Variants in NPAS3 observed in about 807,000 individuals in gnomAD.
The protein encoded by NPAS3 is neuronal PAS domain-containing protein 3.
Under a neutral mutation model 73.1 loss-of-function variants are expected in NPAS3, and 14 were observed. That is an observed-to-expected ratio of 0.19 (90% CI 0.13 to 0.30). The LOEUF is 0.30. Among genes scored for constraint, NPAS3 ranks in the 10% least tolerant of loss-of-function variants. The pLI is 1.00. For missense variants in NPAS3, 1,096 were observed against 1,250.0 expected (o/e 0.88, Z 1.86); for synonymous variants, 620 against 541.5 (o/e 1.14, Z -2.01).
At chr14:33,177,507 A>T (rs2045637267) in intron 2 of NPAS3, among the ~76,000 whole-genome samples, 1 of 152,192 alleles carries the variant, frequency 6.6e-6, no homozygotes, top group South Asian at 2.1e-4. Context: ...GTAAAAAAAA[A>T]GATTTACATA....
chr14:33,380,570 C>T (rs187575381), intron 4 of NPAS3, among the ~76,000 whole-genome samples: 28 of 152,160 alleles, frequency 1.8e-4, no homozygotes, highest in Non-Finnish European at 3.4e-4. Flanking sequence ...AAGTAATCCA[C>T]GGGACAGTGT....
chr14:32,968,574 A>G (rs2037283927), intron 1 of NPAS3, among the ~76,000 whole-genome samples: 1 of 152,176 alleles, frequency 6.6e-6, no homozygotes. Flanking sequence ...ATCCAGTAAT[A>G]AAGTTTAATA....
Position 33,791,614 on chromosome 14 carries a change from T to C in NPAS3, c.1154-2283T>C, listed in dbSNP as rs28528191. Among the ~76,000 whole-genome samples, 578 of 152,290 alleles carry C rather than the reference T, an allele frequency of 3.8e-3. 5 individuals are homozygous for C. The highest frequency in any genetic ancestry group is 0.013 in the African/African-American group (544 of 41,556). ...GTTTGGCTGGATGTCTATTTCCAAATTGGGATTTTATTAAGAGAAAGTATT... is the reference window on the plus strand; with the variant it reads ...GTTTGGCTGGATGTCTATTTCCAAACTGGGATTTTATTAAGAGAAAGTATT... On this transcript the variant is annotated intron_variant, in intron 9 of 11. Transcript: ENST00000356141.
intron 2 of NPAS3, among the ~76,000 whole-genome samples, chr14:33,177,825 A>G (rs2139420481): frequency 6.6e-6 from 1 of 152,264 alleles, no homozygotes; most frequent in South Asian, 2.1e-4. Context: ...GTATGGGTTT[A>G]TTTCTGAACT....
chr14:33,668,940 A>G (rs1297562691), intron 5 of NPAS3, among the ~76,000 whole-genome samples: 2 of 152,224 alleles, frequency 1.3e-5, no homozygotes, highest in Admixed American at 1.3e-4. Context: ...TATGAAAACA[A>G]TAACAAAAAT....
intron 5 of NPAS3, among the ~76,000 whole-genome samples, chr14:33,655,271 C>G (rs1418025358): frequency 6.6e-6 from 1 of 150,758 alleles, no homozygotes; most frequent in Non-Finnish European, 1.5e-5. Flanking sequence ...GTGACCAGCT[C>G]AAGCTGACAA....
At chr14:33,220,752 A>T (rs1035381671) in intron 3 of NPAS3, among the ~76,000 whole-genome samples, 1 of 152,208 alleles carries the variant, frequency 6.6e-6, no homozygotes, top group African/African-American at 2.4e-5. Context: ...CTAACTCAGC[A>T]TGAAAAATAT....
At position 32,980,352 on chromosome 14, in the gene NPAS3, C is replaced by CGT. The variant is rs1315307772; in HGVS notation, c.50+40986_50+40987insGT. On this transcript the variant is annotated intron_variant, in intron 1 of 11. Coordinates refer to ENST00000356141, the Ensembl canonical transcript of NPAS3. ...GGTTTGACTTAGAAACCATGAGGTA[C>CGT]TAACGCACTACATTTTTGAATTACT... is the stretch of plus-strand genomic sequence containing the variant. 2.4e-4 allele frequency among the ~76,000 whole-genome samples: 36 copies of CGT among 152,234 alleles called. 1 individual carries two copies. The South Asian group carries it at 2.7e-3, about 11-fold the overall frequency.
chr14:33,242,021 T>C (rs1688927674), intron 3 of NPAS3, among the ~76,000 whole-genome samples: 1 of 152,016 alleles, frequency 6.6e-6, no homozygotes, highest in African/African-American at 2.4e-5. Context: ...GTAGCAATTC[T>C]GATAACAGGC....
intron 5 of NPAS3, among the ~76,000 whole-genome samples, chr14:33,609,493 G>C (rs1399499068): frequency 1.3e-5 from 2 of 151,150 alleles, no homozygotes; most frequent in Non-Finnish European, 2.9e-5. Context: ...ATTATCATAG[G>C]TTCCTGTCTT....
At chr14:33,473,113 G>A (rs1243304757) in intron 4 of NPAS3, among the ~76,000 whole-genome samples, 1 of 152,162 alleles carries the variant, frequency 6.6e-6, no homozygotes, top group Non-Finnish European at 1.5e-5. Context: ...TGCAGAGTAG[G>A]CCTGGCCTGA....
intron 5 of NPAS3, among the ~76,000 whole-genome samples, chr14:33,577,919 C>CA (rs1458035756): frequency 6.6e-6 from 1 of 152,160 alleles, no homozygotes; most frequent in Non-Finnish European, 1.5e-5. Flanking sequence ...CGAATCCTCC[C>CA]CCCAATTCCA....
chr14:33,797,320 G>A, intron 10 of NPAS3, 137 bp from the exon 11 acceptor site: 1 of 940,266 alleles, frequency 1.1e-6, no homozygotes, highest in Non-Finnish European at 1.6e-6. Flanking sequence ...ATGAAGAGCT[G>A]AGAAATGATT....
intron 4 of NPAS3, among the ~76,000 whole-genome samples, chr14:33,466,429 T>A (rs2050528555): frequency 6.6e-6 from 1 of 152,220 alleles, no homozygotes; most frequent in Non-Finnish European, 1.5e-5. Flanking sequence ...AGTTTGGTTA[T>A]CAAGTAAATA....
intron 2 of NPAS3, among the ~76,000 whole-genome samples, chr14:33,149,008 G>A (rs74839527): frequency 0.013 from 2,000 of 152,166 alleles, 52 homozygotes; most frequent in African/African-American, 0.043. Flanking sequence ...GCCTTGCATC[G>A]TATTTCTACT....
At chr14:33,237,950 A>T (rs1303601084) in intron 3 of NPAS3, among the ~76,000 whole-genome samples, 1 of 151,908 alleles carries the variant, frequency 6.6e-6, no homozygotes, top group Non-Finnish European at 1.5e-5. Context: ...TTCACAAGCA[A>T]AATGTATACA....
chr14:33,722,021 T>A (rs1212225515), intron 6 of NPAS3, among the ~76,000 whole-genome samples: 2 of 152,106 alleles, frequency 1.3e-5, no homozygotes, highest in African/African-American at 4.8e-5. Flanking sequence ...GTTGAGAGGA[T>A]TAACCACAAA....
At position 33,043,820 on chromosome 14, in the gene NPAS3, T is replaced by TA. The variant is rs76401360; in HGVS notation, c.51-12073dup. ...TAGTCCACAATAGACTGATGGAAGT[T>TA]AAAAAAAAAAAACAACTTCCCAAAT... On this transcript the variant is annotated intron_variant, in intron 1 of 11. Transcript: ENST00000356141. Among the ~76,000 whole-genome samples, 780 of 142,458 alleles carry TA rather than the reference T, an allele frequency of 5.5e-3. 6 individuals are homozygous for TA. The highest frequency in any genetic ancestry group is 5.0e-3 in the Non-Finnish European group (321 of 64,650). 93.5% of individuals were successfully genotyped at this position (142,458 alleles called of 152,430 possible). A position where few individuals can be genotyped will look rare whatever the true frequency, so the allele number is the denominator to read the frequency against.
chr14:33,314,753 A>G (rs867816873), intron 3 of NPAS3, among the ~76,000 whole-genome samples: 29 of 152,180 alleles, frequency 1.9e-4, no homozygotes, highest in Middle Eastern at 6.8e-3. Context: ...TACCTTTACT[A>G]TCTAACCATT....
Sources: gnomAD v4.1 joint callset for allele counts (sites outside exome capture counted in the v4.1 genomes callset) on GRCh38, gnomAD v4.1.1 for gene constraint, MANE v1.5 for transcripts, NCBI Gene and HGNC (gene_info 2026-07-23, HGNC 2026-07-21) for gene names.